Variants in FARP2 observed in about 807,000 individuals in gnomAD.
FARP2 encodes FERM, ARHGEF and pleckstrin domain-containing protein 2.
Under a neutral mutation model 130.5 loss-of-function variants are expected in FARP2, and 111 were observed. That is an observed-to-expected ratio of 0.85 (90% CI 0.73 to 1.00). The LOEUF (loss-of-function observed/expected upper bound fraction) is 1.00, where lower values mean the gene tolerates loss of function less well. Ranked by LOEUF, FARP2 falls within the 50% of genes least tolerant of loss-of-function variation. The probability of loss-of-function intolerance (pLI) is 0.00; values close to 1 mark genes in which losing one functional copy is unlikely to be tolerated. For synonymous variants in FARP2, 504 were observed against 516.9 expected, an observed-to-expected ratio of 0.98 and a Z score of 0.34; for missense variants, 1,385 against 1,346.3, an observed-to-expected ratio of 1.03 and a Z score of -0.45.
intron 8 of FARP2, among the ~76,000 whole-genome samples, chr2:241,427,777 T>G (rs1283423175): frequency 6.6e-6 from 1 of 151,512 alleles, no homozygotes; most frequent in Non-Finnish European, 1.5e-5. Flanking sequence ...TTTTTTGTTT[T>G]GTTTTTGAGA....
In FARP2 at chr2:241,435,031, G is replaced by A. The variant is rs78087370; in HGVS notation, c.1100+1G>A. ...GAATGAAGAGAATTCCATATGAAAGGTAAGCTCTGGCCTTTATGATGTAAA... is the reference window on the plus strand; with the variant it reads ...GAATGAAGAGAATTCCATATGAAAGATAAGCTCTGGCCTTTATGATGTAAA... On this transcript the variant is annotated splice_donor_variant, in intron 11 of 26. Transcript: ENST00000264042. LOFTEE classifies it high-confidence loss of function. 2.6e-6 allele frequency: 4 copies of A among 1,564,776 alleles called. No homozygotes were observed. Among genetic ancestry groups the A allele is most frequent in the Non-Finnish European group, 3.5e-6 (4 of 1,139,894 alleles).
At chr2:241,380,839 A>G (rs1224111951) in intron 2 of FARP2, among the ~76,000 whole-genome samples, 2 of 152,062 alleles carry the variant, frequency 1.3e-5, no homozygotes, top group Non-Finnish European at 1.5e-5. Flanking sequence ...AACTCCCTGC[A>G]AAGAGGTCAG....
intron 21 of FARP2, chr2:241,489,727 C>T (rs748034264): frequency 2.4e-6 from 1 of 425,378 alleles, no homozygotes; most frequent in Non-Finnish European, 4.2e-6. Context: ...GTGCTGGACC[C>T]CCCGGTGAGT....
At chr2:241,453,864 A>G (rs568393607) in intron 13 of FARP2, among the ~76,000 whole-genome samples, 1 of 129,074 alleles carries the variant, frequency 7.7e-6, no homozygotes, top group African/African-American at 3.0e-5. Context: ...GCTCACTGCA[A>G]CCTCCACCTC....
chr2:241,472,596 T>A (rs2064350260), intron 18 of FARP2, among the ~76,000 whole-genome samples: 1 of 149,696 alleles, frequency 6.7e-6, no homozygotes, highest in Non-Finnish European at 1.5e-5. Flanking sequence ...CTGAAGGGAA[T>A]GCTATTCTGA....
intron 1 of FARP2, among the ~76,000 whole-genome samples, chr2:241,363,415 G>T (rs1486282744): frequency 6.6e-6 from 1 of 152,212 alleles, no homozygotes; most frequent in East Asian, 1.9e-4. Flanking sequence ...ATGGCTAAAC[G>T]GAGTAATTAA....
chr2:241,390,873 G>C (rs1277380256), intron 2 of FARP2, among the ~76,000 whole-genome samples: 3 of 152,156 alleles, frequency 2.0e-5, no homozygotes, highest in Non-Finnish European at 4.4e-5. Flanking sequence ...CTTAGTGTCT[G>C]TGTATTTTTG....
chr2:241,466,526 A>C lies in FARP2; in HGVS notation c.1894-1614A>C, dbSNP rs566773007. Reference sequence around the variant, plus strand: ...CTGCCACAGAGAGGGACCCCAGCCCATCATGGGCATCGGCAGGGCTTGGCC... The same window carrying C: ...CTGCCACAGAGAGGGACCCCAGCCCCTCATGGGCATCGGCAGGGCTTGGCC... On this transcript the variant is annotated intron_variant, in intron 17 of 26. Transcript: ENST00000264042. 7 of 985,402 alleles carry C rather than the reference A, an allele frequency of 7.1e-6. No homozygotes were observed. In the South Asian group the frequency reaches 3.3e-4, roughly 46 times the overall value. The allele number at this position is 985,402 out of a possible 1,614,324, so 61.0% of individuals were successfully genotyped here.
intron 24 of FARP2, 68 bp from the exon 25 acceptor site, chr2:241,492,861 A>G (rs368263765): frequency 2.2e-6 from 2 of 893,396 alleles, no homozygotes; most frequent in East Asian, 4.8e-5. Flanking sequence ...AGTCTTGGGG[A>G]GCAAACCCAC....
rs1229433151 is a variant in FARP2 at position 241,482,355 on chromosome 2, C to T, written c.2263-1110C>T. 6.6e-6 allele frequency among the ~76,000 whole-genome samples: 1 copy of T among 152,148 alleles called. No homozygotes were observed. The highest frequency in any genetic ancestry group is 2.4e-5 in the African/African-American group (1 of 41,424). Reference sequence around the variant, plus strand: ...TCTGGAGAGGGGGCTGCTGCTTAGCCAGTGCTGGGGTCTCTGAGGGTGATG... The same window carrying T: ...TCTGGAGAGGGGGCTGCTGCTTAGCTAGTGCTGGGGTCTCTGAGGGTGATG... On this transcript the variant is annotated intron_variant, in intron 19 of 26. Coordinates refer to ENST00000264042, the MANE Select transcript of FARP2 (RefSeq NM_014808.4). This position sits in a 1 kb window ranked among gnomAD's most constrained non-coding sequence, Gnocchi z 4.6.
rs1431781368 is a variant in FARP2 at position 241,494,315 on chromosome 2, A to G, written c.*190A>G. 2.5e-6 allele frequency: 1 copy of G among 397,930 alleles called. No homozygotes were observed. The highest frequency in any genetic ancestry group is 2.1e-5 in the African/African-American group (1 of 48,142). The allele number at this position is 397,930 out of a possible 1,614,324, so 24.6% of individuals were successfully genotyped here. On this transcript the variant is annotated 3_prime_UTR_variant, in exon 27 of 27. Transcript: ENST00000264042. The surrounding 1 kb of genome is among the most constrained non-coding windows in gnomAD (Gnocchi z 4.9). ...CATCCCCCCACCCAGGACCTAGTGC[A>G]TGCCAGCAGCTATCTGGGGCCCTGG...
intron 2 of FARP2, among the ~76,000 whole-genome samples, chr2:241,380,053 T>A (rs1156816918): frequency 6.6e-6 from 1 of 152,190 alleles, no homozygotes; most frequent in African/African-American, 2.4e-5. Context: ...TAAGTCACAG[T>A]CTGTGTTAGA....
At chr2:241,427,313 G>A (rs1422679931) in intron 8 of FARP2, among the ~76,000 whole-genome samples, 3 of 152,134 alleles carry the variant, frequency 2.0e-5, no homozygotes, top group Non-Finnish European at 4.4e-5. Flanking sequence ...GTAAAACTAT[G>A]TGACGTTTAC....
intron 10 of FARP2, 87 bp from the exon 11 acceptor site, chr2:241,434,875 T>A: frequency 6.2e-6 from 5 of 808,668 alleles, no homozygotes; most frequent in Non-Finnish European, 8.5e-6. Flanking sequence ...TGAGAGAGGA[T>A]GGGTAAATCT....
At chr2:241,470,298 C>T (rs2064273995) in intron 18 of FARP2, among the ~76,000 whole-genome samples, 1 of 152,212 alleles carries the variant, frequency 6.6e-6, no homozygotes, top group Non-Finnish European at 1.5e-5. Context: ...GTTGTTGATC[C>T]ATTCTATCAT....
intron 17 of FARP2, among the ~76,000 whole-genome samples, chr2:241,464,368 A>C (rs1334799465): frequency 1.3e-5 from 2 of 150,292 alleles, no homozygotes; most frequent in Non-Finnish European, 3.0e-5. Flanking sequence ...GTCTCCTCAG[A>C]ACAGGGACCC....
Position 241,404,858 on chromosome 2 carries a change from A to G in FARP2, c.331+17A>G. ...AAATACGAAGTAAGTCCTTGGTTTG[A>G]CTCTTTAAAATCTGTTTGTTTAAGA... On this transcript the variant is annotated intron_variant, in intron 4 of 26. Transcript: ENST00000264042. 2 of 1,593,668 alleles carry G rather than the reference A, an allele frequency of 1.3e-6. No individual in the cohort carries two copies. The highest frequency in any genetic ancestry group is 1.1e-5 in the South Asian group (1 of 90,610).
chr2:241,413,955 A>C (rs1361381315), intron 7 of FARP2, among the ~76,000 whole-genome samples: 1 of 148,964 alleles, frequency 6.7e-6, no homozygotes, highest in Non-Finnish European at 1.5e-5. Flanking sequence ...AAAAAAAAAA[A>C]GGTGCTGGAA....
chr2:241,474,793 A>G (rs1469891450), intron 18 of FARP2, among the ~76,000 whole-genome samples: 1 of 138,090 alleles, frequency 7.2e-6, no homozygotes, highest in African/African-American at 2.7e-5. Context: ...CCCTGTCTCT[A>G]ATAATAATAA....
Sources: allele counts gnomAD v4.1 joint callset (sites outside exome capture counted in the v4.1 genomes callset), GRCh38; gene constraint gnomAD v4.1.1; non-coding constraint Gnocchi (gnomAD v3.1); transcripts MANE v1.5; gene names NCBI Gene and HGNC (gene_info 2026-07-23, HGNC 2026-07-21).